The following PRAMEF20 variants were observed in gnomAD, a reference collection of about 807,000 sequenced individuals.
PRAMEF20 encodes the protein PRAME family member 20/21.
PRAMEF20 carries 27 observed loss-of-function variants against 32.4 expected under a neutral mutation model. The ratio of observed to expected loss-of-function variants is 0.83; its 90% CI spans 0.61 to 1.15. The LOEUF (loss-of-function observed/expected upper bound fraction) is 1.15, where lower values mean the gene tolerates loss of function less well. Among genes scored for constraint, PRAMEF20 ranks in the 50% most tolerant of loss-of-function variants. The pLI is 0.00. For missense variants in PRAMEF20, 604 were observed against 584.5 expected, an observed-to-expected ratio of 1.03 and a Z score of -0.34; for synonymous variants, 256 against 235.4, an observed-to-expected ratio of 1.09 and a Z score of -0.80.
intron 1 of PRAMEF20, 35 bp downstream of exon 2, chr1:13,416,676 C>T (rs1641178189): frequency 6.2e-7 from 1 of 1,613,468 alleles, no homozygotes; most frequent in Non-Finnish European, 8.5e-7. Context: ...GGGGAGGGCC[C>T]AGGTGTCCAA....
chr1:13,418,505 T>TTACCCC (rs1641207710), exon 2 of PRAMEF20: 1 of 1,613,806 alleles, frequency 6.2e-7, no homozygotes, highest in Non-Finnish European at 8.5e-7. Flanking sequence ...CTGGCAGAGT[T>TTACCCC]TACCCCATAC....
At chr1:13,412,784 T>G (rs997539655), upstream of PRAMEF20, among the ~76,000 whole-genome samples, 285 of 152,146 alleles carry the variant, frequency 1.9e-3, 1 homozygote, top group African/African-American at 6.6e-3. Flanking sequence ...GAGACATGGG[T>G]GCGGGGGTGC....
At chr1:13,417,109 C>G (rs963639225) in intron 1 of PRAMEF20, among the ~76,000 whole-genome samples, 1 of 152,074 alleles carries the variant, frequency 6.6e-6, no homozygotes, top group Admixed American at 6.6e-5. Flanking sequence ...AAAGAGTGAG[C>G]GGTAGCAAGG....
chr1:13,417,995 C>T (rs1244890819), intron 1 of PRAMEF20, 127 bp from the exon 3 acceptor site: 11 of 1,451,780 alleles, frequency 7.6e-6, no homozygotes, highest in African/African-American at 5.6e-5. Context: ...AGGATGTTCT[C>T]GATCTCCTGA....
At chr1:13,414,464 A>G (rs1641144084), upstream of PRAMEF20, among the ~76,000 whole-genome samples, 2 of 151,324 alleles carry the variant, frequency 1.3e-5, no homozygotes, top group South Asian at 4.2e-4. Context: ...CCTTTTTACT[A>G]AAAGTTTTTT....
At chr1:13,412,537 C>T (rs1408827075), upstream of PRAMEF20, among the ~76,000 whole-genome samples, 2 of 152,078 alleles carry the variant, frequency 1.3e-5, no homozygotes, top group Non-Finnish European at 2.9e-5. Flanking sequence ...GATCCCCAAA[C>T]AGATCCCCTA....
chr1:13,417,374 A>G (rs955136822), intron 1 of PRAMEF20, among the ~76,000 whole-genome samples: 1 of 152,090 alleles, frequency 6.6e-6, no homozygotes, highest in Non-Finnish European at 1.5e-5. Flanking sequence ...AAGTTCCCCA[A>G]GTCCCCACTG....
chr1:13,420,944 G>T, exon 3 of PRAMEF20: 1 of 1,613,662 alleles, frequency 6.2e-7, no homozygotes, highest in Middle Eastern at 1.7e-4. Flanking sequence ...CATCCTGCCT[G>T]CCCTGAGCCG....
At chr1:13,417,909 T>TG (rs1491378228) in intron 1 of PRAMEF20, among the ~76,000 whole-genome samples, 37,504 of 109,464 alleles carry the variant, frequency 0.34, 6,883 homozygotes, top group Admixed American at 0.46. Flanking sequence ...GCCCGGCTAA[T>TG]TTGTGTGTGT....
intron 2 of PRAMEF20, among the ~76,000 whole-genome samples, chr1:13,419,256 C>A (rs1424489983): frequency 6.6e-6 from 1 of 152,110 alleles, no homozygotes; most frequent in Admixed American, 6.6e-5. Context: ...TGGGTTCAAG[C>A]AATTCTCCTG....
chr1:13,412,612 C>T (rs1569862983), upstream of PRAMEF20, among the ~76,000 whole-genome samples: 1 of 152,138 alleles, frequency 6.6e-6, no homozygotes, highest in Non-Finnish European at 1.5e-5. Flanking sequence ...CACTCAGCCC[C>T]ACCCTGCCCG....
chr1:13,418,963 T>C (rs1325801697), intron 2 of PRAMEF20, among the ~76,000 whole-genome samples: 1 of 152,160 alleles, frequency 6.6e-6, no homozygotes, highest in African/African-American at 2.4e-5. Context: ...CATTTGTGAA[T>C]TCTTCCTGAG....
chr1:13,411,901 G>T (rs913456577), upstream of PRAMEF20, among the ~76,000 whole-genome samples: 3 of 152,146 alleles, frequency 2.0e-5, no homozygotes, highest in East Asian at 5.8e-4. Flanking sequence ...ATGTCCCAGT[G>T]GTAATTTTTG....
chr1:13,416,283 T>A (rs1439508189), upstream of PRAMEF20: 1 of 1,611,526 alleles, frequency 6.2e-7, no homozygotes, highest in African/African-American at 1.3e-5. Context: ...TGAGATTGCA[T>A]GGGCTTGGCC....
At chr1:13,418,044 G>A (rs1641201347) in intron 1 of PRAMEF20, 78 bp from the exon 3 acceptor site, 2 of 1,608,566 alleles carry the variant, frequency 1.2e-6, no homozygotes, top group South Asian at 2.2e-5. Flanking sequence ...AAAGTGCTGG[G>A]ATTACAAGCG....
upstream of PRAMEF20, among the ~76,000 whole-genome samples, chr1:13,414,112 G>C (rs1641138444): frequency 6.6e-6 from 1 of 150,990 alleles, no homozygotes; most frequent in South Asian, 2.1e-4. Flanking sequence ...CATGATCTCA[G>C]CTCACTGCAA....
chr1:13,415,089 G>C (rs1340926896), upstream of PRAMEF20, among the ~76,000 whole-genome samples: 1 of 151,190 alleles, frequency 6.6e-6, no homozygotes, highest in Non-Finnish European at 1.5e-5. Flanking sequence ...GTGGTTCTTT[G>C]TTTTTTGAGC....
At chr1:13,418,261 G>C (rs1641204411) in exon 2 of PRAMEF20, 2 of 1,613,728 alleles carry the variant, frequency 1.2e-6, no homozygotes, top group South Asian at 2.2e-5. Flanking sequence ...AAGGATGAGA[G>C]GACAGCAGCC....
exon 3 of PRAMEF20, chr1:13,421,144 G>A: frequency 6.2e-7 from 1 of 1,613,926 alleles, no homozygotes; most frequent in Non-Finnish European, 8.5e-7. Flanking sequence ...CTGAGCTGAT[G>A]GGGAGAGTGA....
Sources: allele counts gnomAD v4.1 joint callset (sites outside exome capture counted in the v4.1 genomes callset), GRCh38; gene constraint gnomAD v4.1.1; transcripts MANE v1.5; gene names NCBI Gene and HGNC (gene_info 2026-07-23, HGNC 2026-07-21).